The following SRGAP2C variants were observed in gnomAD, a reference collection of about 807,000 sequenced individuals.
SRGAP2C encodes the protein SLIT-ROBO Rho GTPase activating protein 2C, also known as SLIT-ROBO Rho GTPase-activating protein 2C.
A neutral mutation model predicts 25.1 loss-of-function variants in SRGAP2C; 15 were observed. That is an observed-to-expected ratio of 0.60 (90% CI 0.40 to 0.92). The LOEUF is 0.92. SRGAP2C is among the 40% of genes least tolerant of loss of function. The pLI is 0.00. For missense variants in SRGAP2C, 144 were observed against 264.4 expected (o/e 0.54, Z 3.16); for synonymous variants, 44 against 96.6 (o/e 0.46, Z 3.19).
At chr1:121,368,175 G>GGGT (rs1355639689) in intron 5 of SRGAP2C, among the ~76,000 whole-genome samples, 11 of 112,148 alleles carry the variant, frequency 9.8e-5, no homozygotes, top group Non-Finnish European at 1.8e-4. Flanking sequence ...AGGCTGAGGT[G>GGGT]GGCGGATCAT....
intron 2 of SRGAP2C, among the ~76,000 whole-genome samples, chr1:121,224,204 G>A (rs1553326178): frequency 1.1e-5 from 1 of 91,632 alleles, no homozygotes; most frequent in Admixed American, 1.3e-4. Flanking sequence ...GTTATATATA[G>A]GGTTCTTATT....
At chr1:121,271,474 C>G (rs1656958265) in intron 2 of SRGAP2C, among the ~76,000 whole-genome samples, 1 of 151,862 alleles carries the variant, frequency 6.6e-6, no homozygotes, top group African/African-American at 2.4e-5. Flanking sequence ...GTTTCTTTTA[C>G]AGCAATAAGT....
intron 2 of SRGAP2C, among the ~76,000 whole-genome samples, chr1:121,264,478 T>C (rs1656714758): frequency 8.7e-6 from 1 of 114,288 alleles, no homozygotes; most frequent in East Asian, 2.5e-4. Flanking sequence ...GCTTGACCCC[T>C]GCTTCTTTCA....
intron 2 of SRGAP2C, among the ~76,000 whole-genome samples, chr1:121,250,855 C>T (rs1358257711): frequency 7.9e-6 from 1 of 125,812 alleles, no homozygotes; most frequent in African/African-American, 3.3e-5. Context: ...GCTTTCAGAG[C>T]ACTAGCGATG....
intron 3 of SRGAP2C, among the ~76,000 whole-genome samples, chr1:121,308,460 A>G (rs1177883527): frequency 6.6e-6 from 1 of 151,198 alleles, no homozygotes; most frequent in Non-Finnish European, 1.5e-5. Flanking sequence ...CCAGAGAATC[A>G]GATGATAAAT....
rs1197892364 is a variant in SRGAP2C, at chr1:121,322,124, G to T, written c.261-2354G>T. 2.0e-5 allele frequency among the ~76,000 whole-genome samples: 3 copies of T among 149,758 alleles called. No homozygotes were observed. The South Asian group carries it at 6.3e-4, about 31-fold the overall frequency. On this transcript the variant is annotated intron_variant, in intron 3 of 9. Transcript: ENST00000367123. ...GTGTATGTAAAGTGCTATAGGGAAAGAACCAGTATAGACCCCCCCAATCCA... is the reference window on the plus strand; with the variant it reads ...GTGTATGTAAAGTGCTATAGGGAAATAACCAGTATAGACCCCCCCAATCCA...
intron 2 of SRGAP2C, among the ~76,000 whole-genome samples, chr1:121,241,219 G>A (rs1176630575): frequency 1.7e-5 from 1 of 60,060 alleles, no homozygotes; most frequent in Admixed American, 1.7e-4. Context: ...GGTTAGGTAA[G>A]TGGCTAAGTT....
At position 121,374,981 on chromosome 1, in the gene SRGAP2C, G is replaced by C. The variant is rs1553352763; in HGVS notation, c.831+27G>C. ...TAAGTGCTTAAAGCCAAGGGCCTGA[G>C]GGCCCCTCTTTTCTGGTTTCAGAAT... is the stretch of plus-strand genomic sequence containing the variant. On this transcript the variant is annotated intron_variant, in intron 7 of 9. Coordinates refer to ENST00000367123, the MANE Select transcript of SRGAP2C (RefSeq NM_001329984.2). The C allele has an allele frequency of 9.1e-6, 7 of 770,372 alleles. No individual in the cohort carries two copies. In the South Asian group the frequency reaches 9.6e-5, roughly 11 times the overall value. The allele number at this position is 770,372 out of a possible 1,614,324, so 47.7% of individuals were successfully genotyped here. A position where few individuals can be genotyped will look rare whatever the true frequency, so the allele number is the denominator to read the frequency against.
At chr1:121,258,691 T>C (rs1271486004) in intron 2 of SRGAP2C, among the ~76,000 whole-genome samples, 2 of 128,466 alleles carry the variant, frequency 1.6e-5, no homozygotes, top group African/African-American at 6.1e-5. Context: ...TCTATCACTC[T>C]TTACGGCCAA....
chr1:121,208,604 T>C (rs1553322926), intron 2 of SRGAP2C, among the ~76,000 whole-genome samples: 1 of 152,238 alleles, frequency 6.6e-6, no homozygotes, highest in Non-Finnish European at 1.5e-5. Flanking sequence ...CAATACTGTA[T>C]TCGCTATTTA....
intron 3 of SRGAP2C, among the ~76,000 whole-genome samples, chr1:121,293,921 AT>A (rs1657542644): frequency 1.1e-5 from 1 of 90,126 alleles, no homozygotes; most frequent in Non-Finnish European, 2.3e-5. Context: ...ACATGGATTC[AT>A]CTCACCCTTT....
At chr1:121,255,253 T>C (rs1471111253) in intron 2 of SRGAP2C, among the ~76,000 whole-genome samples, 2 of 150,616 alleles carry the variant, frequency 1.3e-5, no homozygotes, top group Non-Finnish European at 3.0e-5. Flanking sequence ...CTAGGGGAAC[T>C]CTTCATTTTC....
chr1:121,351,207 A>G (rs1658895449), intron 4 of SRGAP2C, among the ~76,000 whole-genome samples: 1 of 151,562 alleles, frequency 6.6e-6, no homozygotes, highest in Admixed American at 6.6e-5. Context: ...AAACTTAAGC[A>G]TAGAATTAAC....
chr1:121,191,850 G>A (rs1553319835), intron 2 of SRGAP2C, among the ~76,000 whole-genome samples: 1 of 144,734 alleles, frequency 6.9e-6, no homozygotes, highest in African/African-American at 2.6e-5. Context: ...GGCACTGTAT[G>A]CTGAGCAGTC....
rs1400163163 is a variant in SRGAP2C, at chr1:121,185,030, G to C, written c.-637G>C. 4.5e-5 allele frequency: 23 copies of C among 516,208 alleles called. No homozygotes were observed. In the East Asian group the frequency reaches 6.3e-4, roughly 14 times the overall value. The allele number at this position is 516,208 out of a possible 1,614,324, so 32.0% of individuals were successfully genotyped here. ...AGGCTCCTCCAGGGACTGGGGCACC[G>C]ATCTGCGTAGAAACGGGTGGCGGGG... On this transcript the variant is annotated 5_prime_UTR_variant, in exon 1 of 10. Coordinates refer to ENST00000367123, the MANE Select transcript of SRGAP2C (RefSeq NM_001329984.2).
intron 4 of SRGAP2C, among the ~76,000 whole-genome samples, chr1:121,325,454 T>C (rs1658301087): frequency 8.9e-6 from 1 of 112,292 alleles, no homozygotes; most frequent in Admixed American, 9.7e-5. Flanking sequence ...AGTGGAATCA[T>C]TTATTCATGA....
rs1445582452 is a variant in SRGAP2C at position 121,384,721 on chromosome 1, G to C, written c.1057-1785G>C. Among the ~76,000 whole-genome samples the C allele has an allele frequency of 2.8e-3, 397 of 143,720 alleles. 1 individual carries two copies. The highest frequency in any genetic ancestry group is 3.7e-3 in the Admixed American group (53 of 14,266). 94.3% of individuals were successfully genotyped at this position (143,720 alleles called of 152,430 possible). On this transcript the variant is annotated intron_variant, in intron 8 of 9. Coordinates refer to ENST00000367123, the MANE Select transcript of SRGAP2C (RefSeq NM_001329984.2). ...CATAAAGGAGGAATCCAGATGCTGGGTGCTCAAGCCCCCTTCTCCCCCTGT... is the reference window on the plus strand; with the variant it reads ...CATAAAGGAGGAATCCAGATGCTGGCTGCTCAAGCCCCCTTCTCCCCCTGT...
In SRGAP2C at chr1:121,199,626, A is replaced by G. The variant is rs1257863172; in HGVS notation, c.67+12113A>G. Among the ~76,000 whole-genome samples the G allele has an allele frequency of 2.5e-5, 2 of 80,862 alleles. 1 individual carries two copies. Among genetic ancestry groups the G allele is most frequent in the Admixed American group, 2.3e-4 (2 of 8,630 alleles). The allele number at this position is 80,862 out of a possible 152,430, so 53.0% of individuals were successfully genotyped here. ...GCCAACATGGTGAAACCCCGTCTCTATTAAAAATACAAAAATTAGCTGGGC... is the reference window on the plus strand; with the variant it reads ...GCCAACATGGTGAAACCCCGTCTCTGTTAAAAATACAAAAATTAGCTGGGC... On this transcript the variant is annotated intron_variant, in intron 2 of 9. Coordinates refer to ENST00000367123, the MANE Select transcript of SRGAP2C (RefSeq NM_001329984.2).
intron 2 of SRGAP2C, among the ~76,000 whole-genome samples, chr1:121,262,822 T>C: frequency 6.6e-6 from 1 of 151,312 alleles, no homozygotes; most frequent in South Asian, 2.1e-4. Flanking sequence ...TTTTTTTTTC[T>C]AAAATTTGGG....
Sources: gnomAD v4.1 joint callset for allele counts (sites outside exome capture counted in the v4.1 genomes callset) on GRCh38, gnomAD v4.1.1 for gene constraint, MANE v1.5 for transcripts, NCBI Gene and HGNC (gene_info 2026-07-23, HGNC 2026-07-21) for gene names.